TMEM101: variants seen among roughly 807,000 people sequenced by gnomAD.
TMEM101 encodes the protein transmembrane protein 101.
In TMEM101, 14 loss-of-function variants were observed where a neutral mutation model predicts 26.0. That is an observed-to-expected ratio of 0.54 (90% CI 0.36 to 0.84). The LOEUF (loss-of-function observed/expected upper bound fraction) is 0.84. Ranked by LOEUF, TMEM101 falls within the 40% of genes least tolerant of loss-of-function variation. The probability of loss-of-function intolerance (pLI) is 0.01; values close to 1 mark genes in which losing one functional copy is unlikely to be tolerated. For synonymous variants in TMEM101, 152 were observed against 145.1 expected (o/e 1.05, Z -0.34); for missense variants, 292 against 345.1 (o/e 0.85, Z 1.22).
upstream of TMEM101, among the ~76,000 whole-genome samples, chr17:44,016,144 CAT>C (rs199954191): frequency 6.8e-5 from 10 of 147,116 alleles, no homozygotes; most frequent in East Asian, 6.0e-4. Context: ...CACACACACA[CAT>C]ATATATATAT....
At chr17:44,019,220 A>G (rs925617327), upstream of TMEM101, 5 of 272,872 alleles carry the variant, frequency 1.8e-5, no homozygotes, top group Admixed American at 4.9e-5. Context: ...GAAAAGAGAT[A>G]TATGTATTTA....
chr17:44,017,304 G>T (rs1366035647), upstream of TMEM101, among the ~76,000 whole-genome samples: 1 of 150,910 alleles, frequency 6.6e-6, no homozygotes, highest in Non-Finnish European at 1.5e-5. Context: ...CTCTACTAAA[G>T]ATACAAAAAA....
chr17:44,017,790 G>T (rs958428084), upstream of TMEM101, among the ~76,000 whole-genome samples: 27 of 150,840 alleles, frequency 1.8e-4, no homozygotes, highest in Admixed American at 1.8e-3. Flanking sequence ...TTCCCAACCA[G>T]CCAGTGAAAG....
chr17:44,014,836 A>G lies in TMEM101; in HGVS notation c.117T>C (p.Ala39=), dbSNP rs1441011901. 10 of 1,604,366 alleles carry G rather than the reference A, an allele frequency of 6.2e-6. No individual in the cohort carries two copies. Among genetic ancestry groups the G allele is most frequent in the Non-Finnish European group, 8.5e-6 (10 of 1,174,376 alleles). Reference sequence around the variant, plus strand: ...CTCACCGGCGTGCCTCAGCCCTCTCAGCGTACAGCATGAGCTGGCTGAAGC... The same window carrying G: ...CTCACCGGCGTGCCTCAGCCCTCTCGGCGTACAGCATGAGCTGGCTGAAGC... ...WGCFSQLMLY[A]ERAEARRKPD... Residue 39 remains alanine, a synonymous_variant, in exon 1 of 4, where the codon GCT becomes GCC. Transcript: ENST00000206380.
Position 44,012,063 on chromosome 17 carries a change from AG to A in TMEM101, c.638del (p.Pro213LeufsTer25), listed in dbSNP as rs757377702. 1.2e-6 allele frequency: 2 copies of A among 1,614,122 alleles called. No individual in the cohort carries two copies. The highest frequency in any genetic ancestry group is 1.7e-6 in the Non-Finnish European group (2 of 1,179,972). On this transcript the variant is annotated frameshift_variant, in exon 4 of 4. Coordinates refer to ENST00000206380, the MANE Select transcript of TMEM101 (RefSeq NM_032376.4). LOFTEE classifies it high-confidence loss of function. ...AAQILAVLLP[P>X]VMLLIDGNVA... ...CATTGCCATCAATGAGCAGCATGAC[AG>A]GGGGCAGCAGTACAGCCAGGATCTG...
intron 2 of TMEM101, among the ~76,000 whole-genome samples, chr17:44,020,851 C>T (rs1170299261): frequency 6.6e-6 from 1 of 152,238 alleles, no homozygotes; most frequent in African/African-American, 2.4e-5. Context: ...AACACAGAGC[C>T]AGCACTGACT....
intron 1 of TMEM101, among the ~76,000 whole-genome samples, chr17:44,022,292 A>G (rs2049292326): frequency 6.6e-6 from 1 of 152,206 alleles, no homozygotes; most frequent in Non-Finnish European, 1.5e-5. Flanking sequence ...TTAATTTCCC[A>G]TCTTTGAGAT....
chr17:44,014,679 G>T, intron 1 of TMEM101, 137 bp downstream of exon 1: 1 of 1,496,466 alleles, frequency 6.7e-7, no homozygotes, highest in South Asian at 1.3e-5. Flanking sequence ...TACCAGATTT[G>T]GTCCGACACC....
At chr17:44,015,206 C>T, upstream of TMEM101, 1 of 413,422 alleles carries the variant, frequency 2.4e-6, no homozygotes, top group South Asian at 3.2e-5. Context: ...TTCAGGATAG[C>T]AGAAGTCTTG....
chr17:44,015,084 G>T, upstream of TMEM101: 1 of 1,283,044 alleles, frequency 7.8e-7, no homozygotes, highest in Non-Finnish European at 1.1e-6. Flanking sequence ...TCTAGTTCCG[G>T]ATCTAAGGTG....
intron 3 of TMEM101, chr17:44,012,803 C>A: frequency 2.2e-6 from 1 of 459,118 alleles, no homozygotes; most frequent in Non-Finnish European, 3.8e-6. Context: ...TACCTCGTGG[C>A]AACACTGTTG....
chr17:44,021,091 G>A (rs1455260121), intron 2 of TMEM101, among the ~76,000 whole-genome samples: 1 of 152,184 alleles, frequency 6.6e-6, no homozygotes, highest in Non-Finnish European at 1.5e-5. Flanking sequence ...GATGGACACT[G>A]TACCCATATT....
upstream of TMEM101, among the ~76,000 whole-genome samples, chr17:44,016,138 CA>C (rs1278376074): frequency 1.3e-5 from 2 of 152,070 alleles, no homozygotes; most frequent in African/African-American, 4.8e-5. Flanking sequence ...CACACACACA[CA>C]CACACATATA....
chr17:44,019,998 CT>C lies in TMEM101; in HGVS notation c.-210+1323del, dbSNP rs1269247359. On this transcript the variant is annotated intron_variant, in intron 2 of 4. Transcript: ENST00000585950. ...ACAGTACACAGCTGAGCAAATTTAT[CT>C]GATTACAACATAAGTTCCATGCTAC... is the stretch of plus-strand genomic sequence containing the variant. 3.3e-5 allele frequency among the ~76,000 whole-genome samples: 5 copies of C among 152,182 alleles called. No individual in the cohort carries two copies. In the East Asian group the frequency reaches 7.7e-4, roughly 23 times the overall value.
chr17:44,015,697 T>C (rs997340590), upstream of TMEM101, among the ~76,000 whole-genome samples: 2 of 152,118 alleles, frequency 1.3e-5, no homozygotes, highest in Non-Finnish European at 1.5e-5. Flanking sequence ...CAGGCCAGAG[T>C]TGTGAACTTT....
chr17:44,012,410 C>A, intron 3 of TMEM101, 174 bp from the exon 4 acceptor site: 1 of 630,730 alleles, frequency 1.6e-6, no homozygotes, highest in Non-Finnish European at 2.7e-6. Flanking sequence ...ACTATGGAGC[C>A]CCAGGAGATT....
chr17:44,016,357 G>A (rs1022139521), upstream of TMEM101, among the ~76,000 whole-genome samples: 1 of 152,220 alleles, frequency 6.6e-6, no homozygotes, highest in African/African-American at 2.4e-5. Flanking sequence ...TTTTAGTGGA[G>A]ACAGGGTTTC....
At chr17:44,014,971 G>A (rs769432904), upstream of TMEM101, 5 of 1,599,270 alleles carry the variant, frequency 3.1e-6, no homozygotes, top group East Asian at 9.0e-5. Context: ...AGGGCAGTCC[G>A]CTGCGGCCTC....
Position 44,011,859 on chromosome 17 carries a change from C to T in TMEM101, c.*69G>A. The T allele has an allele frequency of 6.9e-7, 1 of 1,443,382 alleles. No homozygotes were observed. Among genetic ancestry groups the T allele is most frequent in the Non-Finnish European group, 9.4e-7 (1 of 1,063,680 alleles). 89.4% of individuals were successfully genotyped at this position (1,443,382 alleles called of 1,614,324 possible). ...AAAGCATAAATAAACAGCAGCTGGG[C>T]CAGCAAGGAGGAAGGCAGGGTGACC... On this transcript the variant is annotated 3_prime_UTR_variant, in exon 4 of 4. Coordinates refer to ENST00000206380, the MANE Select transcript of TMEM101 (RefSeq NM_032376.4).
Sources: allele counts gnomAD v4.1 joint callset (sites outside exome capture counted in the v4.1 genomes callset), GRCh38; gene constraint gnomAD v4.1.1; transcripts MANE v1.5; gene names NCBI Gene and HGNC (gene_info 2026-07-23, HGNC 2026-07-21).